Variants in CACNA2D3 observed in about 807,000 individuals in gnomAD.
The protein encoded by CACNA2D3 is voltage-dependent calcium channel subunit alpha-2/delta-3.
A neutral mutation model predicts 160.6 loss-of-function variants in CACNA2D3; 60 were observed. That is an observed-to-expected ratio of 0.37 (90% CI 0.30 to 0.46). The LOEUF (loss-of-function observed/expected upper bound fraction) is 0.46. Ranked by LOEUF, CACNA2D3 falls within the 20% of genes least tolerant of loss-of-function variation. The probability of loss-of-function intolerance (pLI) is 1.00; values close to 1 mark genes in which losing one functional copy is unlikely to be tolerated. For missense variants in CACNA2D3, 1,205 were observed against 1,365.0 expected (o/e 0.88, Z 1.85); for synonymous variants, 558 against 492.9 (o/e 1.13, Z -1.75).
At chr3:54,830,511 C>T (rs1279088355) in intron 14 of CACNA2D3, among the ~76,000 whole-genome samples, 2 of 150,568 alleles carry the variant, frequency 1.3e-5, no homozygotes, top group Non-Finnish European at 1.5e-5. Context: ...CACAATGGCA[C>T]GATATCGGTT....
At chr3:54,523,511 C>T (rs901706518) in intron 5 of CACNA2D3, among the ~76,000 whole-genome samples, 1 of 151,974 alleles carries the variant, frequency 6.6e-6, no homozygotes, top group African/African-American at 2.4e-5. Context: ...ATGTCTTTGA[C>T]GTTTTGGTAT....
At chr3:54,130,712 G>A (rs897197654) in intron 2 of CACNA2D3, among the ~76,000 whole-genome samples, 8 of 152,170 alleles carry the variant, frequency 5.3e-5, no homozygotes, top group Non-Finnish European at 7.3e-5. Flanking sequence ...TTGTCTTTGC[G>A]TGATCCTTTC....
At chr3:54,614,261 G>T (rs914317641) in intron 9 of CACNA2D3, among the ~76,000 whole-genome samples, 39 of 152,158 alleles carry the variant, frequency 2.6e-4, no homozygotes, top group Non-Finnish European at 7.3e-5. Flanking sequence ...GTCCTTGGAG[G>T]CCCCTTCCAT....
intron 2 of CACNA2D3, among the ~76,000 whole-genome samples, chr3:54,134,208 C>T (rs1699773188): frequency 6.6e-6 from 1 of 152,164 alleles, no homozygotes; most frequent in South Asian, 2.1e-4. Flanking sequence ...GTTGCAGGGC[C>T]TTCTGTGCCT....
rs114897178 is a variant in CACNA2D3 at position 54,213,923 on chromosome 3, C to T, written c.204+90329C>T. 6.1e-3 allele frequency among the ~76,000 whole-genome samples: 932 copies of T among 152,226 alleles called. 14 individuals carry two copies. The highest frequency in any genetic ancestry group is 0.02 in the African/African-American group (817 of 41,536). ...TAGAGCCCATTCAGTAGGAAAATAC[C>T]GGGAGGAGAGAGGCCCAGGAATCAG... On this transcript the variant is annotated intron_variant, in intron 2 of 37. Coordinates refer to ENST00000474759, the MANE Select transcript of CACNA2D3 (RefSeq NM_018398.3).
intron 11 of CACNA2D3, among the ~76,000 whole-genome samples, chr3:54,732,373 G>C (rs960792163): frequency 6.6e-6 from 1 of 152,148 alleles, no homozygotes; most frequent in Non-Finnish European, 1.5e-5. Flanking sequence ...TGTGTTCTTT[G>C]GTGGCCCATG....
chr3:54,968,230 G>A (rs1257664020), intron 27 of CACNA2D3, among the ~76,000 whole-genome samples: 1 of 152,076 alleles, frequency 6.6e-6, no homozygotes, highest in Non-Finnish European at 1.5e-5. Context: ...AGAGCGATCT[G>A]CACTGTGCTG....
chr3:54,924,097 TG>T (rs1267837174), intron 27 of CACNA2D3, among the ~76,000 whole-genome samples: 1 of 152,174 alleles, frequency 6.6e-6, no homozygotes, highest in African/African-American at 2.4e-5. Context: ...TTAAAGAAAT[TG>T]TGAGTAACTT....
intron 2 of CACNA2D3, among the ~76,000 whole-genome samples, chr3:54,287,820 A>G (rs1390439565): frequency 6.7e-6 from 1 of 150,086 alleles, no homozygotes; most frequent in Non-Finnish European, 1.5e-5. Flanking sequence ...CTGCTCCTGA[A>G]TGACTACTGG....
intron 11 of CACNA2D3, among the ~76,000 whole-genome samples, chr3:54,681,535 C>G (rs1262649185): frequency 7.1e-6 from 1 of 140,508 alleles, no homozygotes; most frequent in Non-Finnish European, 1.5e-5. Context: ...CCAGCCTGGG[C>G]GACAGAGTGA....
chr3:54,324,202 T>C (rs1489346717), intron 3 of CACNA2D3, among the ~76,000 whole-genome samples: 1 of 152,216 alleles, frequency 6.6e-6, no homozygotes, highest in African/African-American at 2.4e-5. Context: ...TCTCTGTCTC[T>C]TCTGGCTTGA....
rs200860441 is a variant in CACNA2D3, at chr3:55,011,622, G to A, written c.2875+2179G>A. Among the ~76,000 whole-genome samples the A allele has an allele frequency of 2.1e-4, 32 of 152,134 alleles. No homozygotes were observed. In the East Asian group the frequency reaches 5.0e-3, roughly 24 times the overall value. ...AAGACAAAACCCAGGAAACAAAACC[G>A]TATATACACAAAAACACATAAAATG... On this transcript the variant is annotated intron_variant, in intron 34 of 37. Coordinates refer to ENST00000474759, the MANE Select transcript of CACNA2D3 (RefSeq NM_018398.3).
chr3:54,464,903 A>C (rs577557804), intron 4 of CACNA2D3, among the ~76,000 whole-genome samples: 3 of 152,046 alleles, frequency 2.0e-5, no homozygotes, highest in African/African-American at 4.8e-5. Flanking sequence ...AGCTGTTCCT[A>C]TTTGGCCATC....
At chr3:54,138,045 A>G (rs528712182) in intron 2 of CACNA2D3, among the ~76,000 whole-genome samples, 1 of 152,296 alleles carries the variant, frequency 6.6e-6, no homozygotes, top group African/African-American at 2.4e-5. Flanking sequence ...ATTTCATTTC[A>G]CCACTGCGAC....
chr3:54,890,270 G>A (rs538707669), intron 24 of CACNA2D3, among the ~76,000 whole-genome samples: 2 of 152,198 alleles, frequency 1.3e-5, no homozygotes, highest in Admixed American at 6.5e-5. Context: ...GCCGAGGTGG[G>A]CAGATCACAA....
At chr3:54,631,557 C>T (rs1010971175) in intron 10 of CACNA2D3, among the ~76,000 whole-genome samples, 2 of 152,168 alleles carry the variant, frequency 1.3e-5, no homozygotes, top group African/African-American at 2.4e-5. Flanking sequence ...CACACACACA[C>T]GTGCTTAAAA....
At chr3:54,922,280 A>T (rs906158311) in intron 27 of CACNA2D3, among the ~76,000 whole-genome samples, 2 of 151,376 alleles carry the variant, frequency 1.3e-5, no homozygotes, top group African/African-American at 4.9e-5. Flanking sequence ...GGCACATTTC[A>T]TCCCATCCCA....
Position 54,697,687 on chromosome 3 carries a change from G to A in CACNA2D3, c.1168-54912G>A, listed in dbSNP as rs140279998. Among the ~76,000 whole-genome samples, 712 of 152,270 alleles carry A rather than the reference G, an allele frequency of 4.7e-3. 10 individuals are homozygous for A. The highest frequency in any genetic ancestry group is 0.016 in the African/African-American group (681 of 41,550). On this transcript the variant is annotated intron_variant, in intron 11 of 37. Coordinates refer to ENST00000474759, the MANE Select transcript of CACNA2D3 (RefSeq NM_018398.3). ...TTATTTTTCATGCATTCCAGAGAGA[G>A]GGAGTTGGAGCAAGAGTGCTATAGG...
At chr3:54,981,481 C>G (rs749971692) in intron 29 of CACNA2D3, among the ~76,000 whole-genome samples, 21 of 151,802 alleles carry the variant, frequency 1.4e-4, no homozygotes, top group Non-Finnish European at 2.6e-4. Context: ...ACCATTCATT[C>G]AACCCATTGG....
Sources: gnomAD v4.1 joint callset for allele counts (sites outside exome capture counted in the v4.1 genomes callset) on GRCh38, gnomAD v4.1.1 for gene constraint, MANE v1.5 for transcripts, NCBI Gene and HGNC (gene_info 2026-07-23, HGNC 2026-07-21) for gene names.